The following LPA variants were observed in gnomAD, a reference collection of about 807,000 sequenced individuals.
LPA encodes the protein apolipoprotein(a).
Under a neutral mutation model 197.9 loss-of-function variants are expected in LPA, and 199 were observed. The ratio of observed to expected loss-of-function variants is 1.01; its 90% CI spans 0.90 to 1.13. The LOEUF (loss-of-function observed/expected upper bound fraction) is 1.13, where lower values mean the gene tolerates loss of function less well. LPA is among the 50% of genes most tolerant of loss of function. The probability of loss-of-function intolerance (pLI) is 0.00; values close to 1 mark genes in which losing one functional copy is unlikely to be tolerated. For missense variants in LPA, 1,853 were observed against 1,785.8 expected, an observed-to-expected ratio of 1.04 and a Z score of -0.68; for synonymous variants, 715 against 639.5, an observed-to-expected ratio of 1.12 and a Z score of -1.78.
intron 32 of LPA, among the ~76,000 whole-genome samples, chr6:160,545,809 C>T (rs889947904): frequency 6.6e-6 from 1 of 152,092 alleles, no homozygotes; most frequent in Admixed American, 6.5e-5. Flanking sequence ...GAGCTTGACC[C>T]ACTGGAGGTC....
chr6:160,610,215 G>T (rs763856297), intron 16 of LPA, among the ~76,000 whole-genome samples: 1 of 152,060 alleles, frequency 6.6e-6, no homozygotes, highest in East Asian at 1.9e-4. Context: ...TGGGGATACC[G>T]CATAGCTGAG....
rs746909039 is a variant in LPA at position 160,548,511 on chromosome 6, G to T, written c.5122C>A (p.Gln1708Lys). The T allele has an allele frequency of 6.2e-7, 1 of 1,614,078 alleles. No homozygotes were observed. The highest frequency in any genetic ancestry group is 2.2e-5 in the East Asian group (1 of 44,886). ...GTVVAPPTVI[Q>K]VPSLGPPSEQ... is the part of the protein sequence containing the mutation. ...GAAGGAGGCCCTAGGCTTGGAACCT[G>T]GATGACAGTCGGAGGAGCGACCACA... is the stretch of plus-strand genomic sequence containing the variant. Residue 1708 changes from glutamine to lysine, a missense_variant, in exon 31 of 39, where the codon CAG becomes AAG. By Grantham distance (53) the Gln-to-Lys change is moderately conservative (BLOSUM62 1). Coordinates refer to ENST00000316300, the MANE Select transcript of LPA (RefSeq NM_005577.4).
At position 160,611,542 on chromosome 6, in the gene LPA, G is replaced by A. The variant is rs766451206; in HGVS notation, c.2603+20C>T. The A allele has an allele frequency of 2.1e-5, 33 of 1,606,794 alleles. No individual in the cohort carries two copies. The South Asian group carries it at 2.4e-4, about 12-fold the overall frequency. ...TTCAGTTGGCCCTTTATTCTCTTATGGTAAAGAACAAAGACATACGCATTT... is the reference window on the plus strand; with the variant it reads ...TTCAGTTGGCCCTTTATTCTCTTATAGTAAAGAACAAAGACATACGCATTT... On this transcript the variant is annotated intron_variant, in intron 16 of 38. Coordinates refer to ENST00000316300, the MANE Select transcript of LPA (RefSeq NM_005577.4).
rs760239476 is a variant in LPA, at chr6:160,606,577, C to T, written c.2685G>A (p.Trp895Ter). The T allele has an allele frequency of 1.9e-5, 30 of 1,613,760 alleles. 1 individual carries two copies. In the South Asian group the frequency reaches 2.9e-4, roughly 15 times the overall value. ...YCYTRDPSVR[W>*]EYCNLTQCSD... ...AGCATTGTGTCAGGTTGCAGTACTC[C>T]CACCTGACACTGGGATCCCTCGTAT... Residue 895 changes from tryptophan (W) to a stop codon, truncating the protein, a stop_gained, in exon 17 of 39, where the codon TGG (tryptophan) becomes TGA (stop). Transcript: ENST00000316300. LOFTEE classifies it high-confidence loss of function.
In LPA at chr6:160,606,648, T is replaced by C. The variant is rs1779360328; in HGVS notation, c.2614A>G (p.Met872Val). The C allele has an allele frequency of 1.2e-6, 2 of 1,613,970 alleles. No individual in the cohort carries two copies. Among genetic ancestry groups the C allele is most frequent in the Non-Finnish European group, 1.7e-6 (2 of 1,179,934 alleles). Residue 872 changes from methionine to valine, a missense_variant, in exon 17 of 39, where the codon ATG becomes GTG. Around this residue, in one of 3 missense-constraint regions of LPA, gnomAD observed 1,737 missense variants for 1,504.4 expected, o/e 1.15. Coordinates refer to ENST00000316300, the MANE Select transcript of LPA (RefSeq NM_005577.4). Reference sequence around the variant, plus strand: ...GGATCTGGATTCCTGCAGTAGTTCATGATCAAGCCACTGGAAATTCCAAAA... The same window carrying C: ...GGATCTGGATTCCTGCAGTAGTTCACGATCAAGCCACTGGAAATTCCAAAA... ...PEYYPNAGLI[M>V]NYCRNPDPVA...
At position 160,565,851 on chromosome 6, in the gene LPA, A is replaced by G. The variant is rs533502715; in HGVS notation, c.4632-8280T>C. Among the ~76,000 whole-genome samples, 47 of 152,370 alleles carry G rather than the reference A, an allele frequency of 3.1e-4. No homozygotes were observed. The South Asian group carries it at 5.4e-3, about 17-fold the overall frequency. On this transcript the variant is annotated intron_variant, in intron 28 of 38. Coordinates refer to ENST00000316300, the MANE Select transcript of LPA (RefSeq NM_005577.4). ...GACCTTAAATGATCTAATGGAGCTG[A>G]AAACCATGGCACGAGAACTACGTGA...
intron 1 of LPA, among the ~76,000 whole-genome samples, chr6:160,655,176 T>C (rs961786122): frequency 3.3e-5 from 5 of 152,188 alleles, no homozygotes; most frequent in Admixed American, 3.3e-4. Flanking sequence ...ATGGTGACTT[T>C]ATGACCCACA....
At chr6:160,557,965 A>G (rs12210186) in intron 28 of LPA, among the ~76,000 whole-genome samples, 16,725 of 150,800 alleles carry the variant, frequency 0.11, 1,303 homozygotes, top group Non-Finnish European at 0.17. Flanking sequence ...TGTCGCCCAG[A>G]CTGGAGTGCA....
At chr6:160,652,541 C>G (rs548611760) in intron 1 of LPA, among the ~76,000 whole-genome samples, 194 of 152,162 alleles carry the variant, frequency 1.3e-3, no homozygotes, top group African/African-American at 4.5e-3. Flanking sequence ...ATAAGAAATG[C>G]TAAAGGTTGT....
At chr6:160,571,512 G>A (rs150917031) in intron 28 of LPA, among the ~76,000 whole-genome samples, 2 of 152,142 alleles carry the variant, frequency 1.3e-5, no homozygotes, top group African/African-American at 4.8e-5. Context: ...CCAGGGAGAT[G>A]GGAGTTTTAT....
Position 160,578,562 on chromosome 6 carries a change from C to T in LPA, c.4432G>A (p.Val1478Met), listed in dbSNP as rs189100806. The T allele has an allele frequency of 8.4e-5, 136 of 1,613,922 alleles. 1 individual carries two copies. In the East Asian group the frequency reaches 2.0e-3, roughly 24 times the overall value. ...GCCTCTGTGCTTGGAACCGGGGCCA[C>T]TGTGGGAGTTGTGAGGACACTCGAT... ...TESSVLTTPT[V>M]APVPSTEAPS... The change falls in exon 27 of 39, where the codon GTG (valine) becomes ATG (methionine). Residue 1478 changes from valine to methionine, a missense_variant. Physicochemically the swap from Val to Met is conservative, Grantham distance 21 (BLOSUM62 1). Transcript: ENST00000316300.
At chr6:160,542,833 G>A (rs1202802735) in intron 33 of LPA, 25 bp from the exon 34 acceptor site, 1 of 1,613,668 alleles carries the variant, frequency 6.2e-7, no homozygotes, top group Non-Finnish European at 8.5e-7. Context: ...GGGAAAAGAA[G>A]TCGCATTTGA....
At chr6:160,649,774 T>C (rs1432692180) in intron 2 of LPA, among the ~76,000 whole-genome samples, 2 of 152,200 alleles carry the variant, frequency 1.3e-5, no homozygotes, top group Non-Finnish European at 2.9e-5. Flanking sequence ...TTTTATTGTT[T>C]AGCATCTGTC....
chr6:160,586,519 C>T lies in LPA; in HGVS notation c.4059G>A (p.Val1353=), dbSNP rs185035693. 9 of 1,613,796 alleles carry T rather than the reference C, an allele frequency of 5.6e-6. No homozygotes were observed. In the African/African-American group the frequency reaches 1.1e-4, roughly 19 times the overall value. ...GAGTTGTGAGGAGAGTTGATTCCAT[C>T]ACTGGACATTGCGTCAGGTTGCAGT... The part of the protein sequence containing the change: ...WEYCNLTQCP[V]MESTLLTTPT... Residue 1353 remains valine (V), a synonymous_variant, in exon 25 of 39, where the codon GTG becomes GTA. Coordinates refer to ENST00000316300, the MANE Select transcript of LPA (RefSeq NM_005577.4).
chr6:160,578,460 A>G lies in LPA; in HGVS notation c.4471+63T>C, dbSNP rs1008607815. 1.1e-4 allele frequency: 168 copies of G among 1,592,230 alleles called. 2 individuals are homozygous for G. The African/African-American group carries it at 1.8e-3, about 17-fold the overall frequency. ...CCAGTGTACCACTGAAGGCTTCTGC[A>G]TCAGTAAGATTTTCCATGGTTTTTC... On this transcript the variant is annotated intron_variant, in intron 27 of 38. Transcript: ENST00000316300.
intron 28 of LPA, among the ~76,000 whole-genome samples, chr6:160,570,435 T>C (rs568181676): frequency 5.9e-5 from 9 of 151,982 alleles, no homozygotes; most frequent in African/African-American, 2.2e-4. Context: ...AATTGAACAA[T>C]GAGAGTACAT....
chr6:160,576,036 T>C (rs568968293), intron 28 of LPA, among the ~76,000 whole-genome samples: 1 of 152,116 alleles, frequency 6.6e-6, no homozygotes, highest in Non-Finnish European at 1.5e-5. Context: ...AGCACACTTA[T>C]GGGGTTGATC....
At chr6:160,660,529 T>C (rs1399710120) in intron 1 of LPA, among the ~76,000 whole-genome samples, 1 of 152,192 alleles carries the variant, frequency 6.6e-6, no homozygotes, top group African/African-American at 2.4e-5. Flanking sequence ...ACACCATCAG[T>C]GGCAACTGTG....
chr6:160,555,744 C>T (rs1313131021), intron 30 of LPA, among the ~76,000 whole-genome samples: 1 of 151,938 alleles, frequency 6.6e-6, no homozygotes, highest in Non-Finnish European at 1.5e-5. Context: ...TGTAGAATGG[C>T]ACTCTAAGTA....
Sources: allele counts gnomAD v4.1 joint callset (sites outside exome capture counted in the v4.1 genomes callset), GRCh38; gene constraint gnomAD v4.1.1; regional missense constraint gnomAD v4.1.1; transcripts MANE v1.5; gene names NCBI Gene and HGNC (gene_info 2026-07-23, HGNC 2026-07-21).